SULT2B1: variants seen among roughly 807,000 people sequenced by gnomAD.
SULT2B1 encodes sulfotransferase 2B1.
In SULT2B1, 16 loss-of-function variants were observed where a neutral mutation model predicts 33.2. The ratio of observed to expected loss-of-function variants is 0.48; its 90% CI spans 0.33 to 0.73. The LOEUF (loss-of-function observed/expected upper bound fraction) is 0.73. Ranked by LOEUF, SULT2B1 falls within the 30% of genes least tolerant of loss-of-function variation. The pLI is 0.02. For synonymous variants in SULT2B1, 186 were observed against 200.5 expected (o/e 0.93, Z 0.61); for missense variants, 500 against 506.0 (o/e 0.99, Z 0.11).
At chr19:48,595,493 A>T (rs12460535) in intron 5 of SULT2B1, among the ~76,000 whole-genome samples, 2 of 151,800 alleles carry the variant, frequency 1.3e-5, no homozygotes, top group Non-Finnish European at 2.9e-5. Context: ...GTAGACACTC[A>T]GAAAGGAAGG....
rs143097415 is a variant in SULT2B1 at position 48,584,912 on chromosome 19, G to A, written c.215-2317G>A. Among the ~76,000 whole-genome samples, 777 of 152,144 alleles carry A rather than the reference G, an allele frequency of 5.1e-3. 11 individuals are homozygous for A. The South Asian group carries it at 0.056, about 11-fold the overall frequency. Reference sequence around the variant, plus strand: ...CTAAAAATACAAAAACTAGCCAGGCGTGGTGGCACACTTCTAGTCCCAGCT... The same window carrying A: ...CTAAAAATACAAAAACTAGCCAGGCATGGTGGCACACTTCTAGTCCCAGCT... On this transcript the variant is annotated intron_variant, in intron 2 of 6. Coordinates refer to ENST00000201586, the MANE Select transcript of SULT2B1 (RefSeq NM_177973.2).
Position 48,552,981 on chromosome 19 carries a change from C to T in SULT2B1, c.71+658C>T, listed in dbSNP as rs193038919. Among the ~76,000 whole-genome samples, 4 of 152,102 alleles carry T rather than the reference C, an allele frequency of 2.6e-5. No individual in the cohort carries two copies. Among genetic ancestry groups the T allele is most frequent in the South Asian group, 4.1e-4 (2 of 4,830 alleles). On this transcript the variant is annotated intron_variant, in intron 1 of 6. Transcript: ENST00000201586. The surrounding 1 kb of genome is among the most constrained non-coding windows in gnomAD (Gnocchi z 4.8). ...AGGCTGGGAGGGAACGCGACATGAC[C>T]GCAATTACGCAGCTAGAAGCAAATC...
chr19:48,576,359 C>CTTTTCTTTCTTTTTTTTTT lies in SULT2B1; in HGVS notation c.214+280_214+281insCTTTCTTTTTTTTTTTTTT. Among the ~76,000 whole-genome samples the CTTTTCTTTCTTTTTTTTTT allele has an allele frequency of 8.1e-3, 778 of 96,588 alleles. 111 individuals carry two copies. Among genetic ancestry groups the CTTTTCTTTCTTTTTTTTTT allele is most frequent in the African/African-American group, 0.026 (599 of 23,220 alleles). The allele number at this position is 96,588 out of a possible 152,430, so 63.4% of individuals were successfully genotyped here. A position where few individuals can be genotyped will look rare whatever the true frequency, so the allele number is the denominator to read the frequency against. ...CCTTTCCCCTTTACCCTCTACTTCT[C>CTTTTCTTTCTTTTTTTTTT]TTTTTTTTTTTTTTTTTTGTAGAGA... is the stretch of plus-strand genomic sequence containing the variant. On this transcript the variant is annotated intron_variant, in intron 2 of 6. Transcript: ENST00000201586.
At chr19:48,554,959 G>C (rs886352795) in intron 1 of SULT2B1, among the ~76,000 whole-genome samples, 2 of 152,092 alleles carry the variant, frequency 1.3e-5, no homozygotes, top group Admixed American at 1.3e-4. Context: ...ATTTAGGGAT[G>C]ATGAGCAAGA....
chr19:48,565,015 G>A (rs1412375438), intron 1 of SULT2B1, among the ~76,000 whole-genome samples: 2 of 151,890 alleles, frequency 1.3e-5, no homozygotes, highest in African/African-American at 4.8e-5. Flanking sequence ...GGTCTTGAAT[G>A]CCTGGACTGA....
rs1433050725 is a variant in SULT2B1 at position 48,552,379 on chromosome 19, G to T, written c.71+56G>T. 5 of 1,583,124 alleles carry T rather than the reference G, an allele frequency of 3.2e-6. No homozygotes were observed. The African/African-American group carries it at 4.0e-5, about 13-fold the overall frequency. On this transcript the variant is annotated intron_variant, in intron 1 of 6. Coordinates refer to ENST00000201586, the MANE Select transcript of SULT2B1 (RefSeq NM_177973.2). This position sits in a 1 kb window ranked among gnomAD's most constrained non-coding sequence, Gnocchi z 4.8. ...GATCCCAGGGAGGAGGTGGCTGTTT[G>T]GGGGAGCCGGGGACTGTGGCAAGGG...
chr19:48,560,794 C>G (rs1973166296), intron 1 of SULT2B1, among the ~76,000 whole-genome samples: 1 of 150,830 alleles, frequency 6.6e-6, no homozygotes, highest in Admixed American at 6.6e-5. Context: ...AACCCCATCT[C>G]TAGTAAATAT....
chr19:48,579,605 C>CTTTTTTTCTTTT (rs1973458627), intron 2 of SULT2B1, among the ~76,000 whole-genome samples: 1 of 79,736 alleles, frequency 1.3e-5, no homozygotes, highest in South Asian at 5.2e-4. Flanking sequence ...TTCTTTCTTT[C>CTTTTTTTCTTTT]TTTTTTTTTT....
At chr19:48,568,827 G>A (rs1371656847) in intron 1 of SULT2B1, among the ~76,000 whole-genome samples, 2 of 152,058 alleles carry the variant, frequency 1.3e-5, no homozygotes, top group African/African-American at 2.4e-5. Context: ...AGGGTGGGCC[G>A]CTCAGGGCCC....
At position 48,599,119 on chromosome 19, in the gene SULT2B1, GCC is replaced by G; in HGVS notation, c.827-12_827-11del. The G allele has an allele frequency of 6.4e-7, 1 of 1,560,268 alleles. No individual in the cohort carries two copies. Among genetic ancestry groups the G allele is most frequent in the Non-Finnish European group, 8.6e-7 (1 of 1,157,340 alleles). ...CCCCAGAGGCTCCTCACCCCCTGGTGCCCCCTCTTCTCCAGGGGTCTGCGGCG... is the reference window on the plus strand; with the variant it reads ...CCCCAGAGGCTCCTCACCCCCTGGTGCCCTCTTCTCCAGGGGTCTGCGGCG... On this transcript the variant is annotated splice_polypyrimidine_tract_variant and intron_variant, in intron 6 of 6. Coordinates refer to ENST00000201586, the MANE Select transcript of SULT2B1 (RefSeq NM_177973.2). The surrounding 1 kb of genome is among the most constrained non-coding windows in gnomAD (Gnocchi z 4.1).
intron 1 of SULT2B1, among the ~76,000 whole-genome samples, chr19:48,563,419 T>C (rs1002440792): frequency 6.6e-6 from 1 of 152,166 alleles, no homozygotes; most frequent in Non-Finnish European, 1.5e-5. Context: ...AACAGAGGAC[T>C]GGATCAACAC....
At chr19:48,579,079 G>A (rs1973450812) in intron 2 of SULT2B1, among the ~76,000 whole-genome samples, 1 of 151,932 alleles carries the variant, frequency 6.6e-6, no homozygotes, top group Non-Finnish European at 1.5e-5. Flanking sequence ...GGCCTCTTGT[G>A]TCTGGTTTCT....
chr19:48,587,545 CCTA>C, intron 3 of SULT2B1, 108 bp downstream of exon 3: 11 of 1,257,504 alleles, frequency 8.7e-6, no homozygotes, highest in Non-Finnish European at 1.1e-5. Flanking sequence ...TTGTTAAACA[CCTA>C]CTATGTGCCT....
At chr19:48,555,027 G>A (rs1300506172) in intron 1 of SULT2B1, among the ~76,000 whole-genome samples, 1 of 152,150 alleles carries the variant, frequency 6.6e-6, no homozygotes, top group Non-Finnish European at 1.5e-5. Context: ...TGAAGCGGGC[G>A]CTCTGAGGTT....
At chr19:48,587,888 C>CT (rs939095956) in intron 3 of SULT2B1, among the ~76,000 whole-genome samples, 2 of 53,560 alleles carry the variant, frequency 3.7e-5, no homozygotes, top group African/African-American at 1.8e-4. Flanking sequence ...GCAAGACTGT[C>CT]TCAAAAAAAA....
intron 1 of SULT2B1, among the ~76,000 whole-genome samples, chr19:48,571,755 G>A (rs1028331660): frequency 6.6e-6 from 1 of 152,110 alleles, no homozygotes; most frequent in Non-Finnish European, 1.5e-5. Context: ...GCTCAGGAGT[G>A]AGTGACAGGT....
At chr19:48,590,914 G>A (rs530809761) in intron 3 of SULT2B1, among the ~76,000 whole-genome samples, 1 of 152,058 alleles carries the variant, frequency 6.6e-6, no homozygotes, top group East Asian at 2.0e-4. Context: ...GCTCACTGCA[G>A]CCTCGACCTC....
chr19:48,573,176 T>G (rs1011022275), intron 1 of SULT2B1, among the ~76,000 whole-genome samples: 3 of 148,246 alleles, frequency 2.0e-5, no homozygotes, highest in East Asian at 2.0e-4. Flanking sequence ...AAAAAAAAAT[T>G]TACATGTCCA....
Position 48,579,760 on chromosome 19 carries a change from C to T in SULT2B1, c.214+3677C>T, listed in dbSNP as rs146247262. Among the ~76,000 whole-genome samples, 908 of 151,902 alleles carry T rather than the reference C, an allele frequency of 6.0e-3. 11 individuals are homozygous for T. The highest frequency in any genetic ancestry group is 0.02 in the African/African-American group (843 of 41,422). ...TAGTTGGAATTACAGGCACCTGCCA[C>T]CACGCCCAGCTAATTTTTGTATTTT... On this transcript the variant is annotated intron_variant, in intron 2 of 6. Coordinates refer to ENST00000201586, the MANE Select transcript of SULT2B1 (RefSeq NM_177973.2).
Sources: allele counts gnomAD v4.1 joint callset (sites outside exome capture counted in the v4.1 genomes callset), GRCh38; gene constraint gnomAD v4.1.1; non-coding constraint Gnocchi (gnomAD v3.1); transcripts MANE v1.5; gene names NCBI Gene and HGNC (gene_info 2026-07-23, HGNC 2026-07-21).